EPB41L2: variants seen among roughly 807,000 people sequenced by gnomAD.
EPB41L2 encodes the protein erythrocyte membrane protein band 4.1 like 2.
In EPB41L2, 43 loss-of-function variants were observed where a neutral mutation model predicts 113.0. The observed-to-expected ratio is 0.38, with a 90% confidence interval of 0.30 to 0.49. The LOEUF (loss-of-function observed/expected upper bound fraction) is 0.49. Among genes scored for constraint, EPB41L2 ranks in the 20% least tolerant of loss-of-function variants. The probability of loss-of-function intolerance (pLI) is 0.95; values close to 1 mark genes in which losing one functional copy is unlikely to be tolerated. For missense variants in EPB41L2, 1,147 were observed against 1,223.4 expected, an observed-to-expected ratio of 0.94 and a Z score of 0.93; for synonymous variants, 442 against 436.7, an observed-to-expected ratio of 1.01 and a Z score of -0.15.
intron 18 of EPB41L2, among the ~76,000 whole-genome samples, chr6:130,862,595 C>A (rs1298835903): frequency 6.6e-6 from 1 of 152,166 alleles, no homozygotes; most frequent in Non-Finnish European, 1.5e-5. Flanking sequence ...ATCTCCAGTC[C>A]TATGTCCTAT....
At chr6:130,929,103 C>T (rs1282161201) in intron 3 of EPB41L2, among the ~76,000 whole-genome samples, 2 of 152,196 alleles carry the variant, frequency 1.3e-5, no homozygotes. Context: ...TTCCATCTGC[C>T]TCTCCACCCT....
chr6:130,939,137 C>T (rs9492761), intron 3 of EPB41L2, among the ~76,000 whole-genome samples: 13 of 152,136 alleles, frequency 8.5e-5, no homozygotes, highest in African/African-American at 3.1e-4. Flanking sequence ...CTCATGATAT[C>T]ACCAATGCTT....
intron 3 of EPB41L2, among the ~76,000 whole-genome samples, chr6:130,947,033 C>T (rs1813149232): frequency 6.9e-6 from 1 of 144,020 alleles, no homozygotes; most frequent in Non-Finnish European, 1.5e-5. Flanking sequence ...CCCCCAGCCC[C>T]TTAAATTACT....
chr6:131,012,297 C>A (rs894379251), intron 1 of EPB41L2, among the ~76,000 whole-genome samples: 1 of 150,726 alleles, frequency 6.6e-6, no homozygotes. Context: ...TAGATTTAGC[C>A]TGGGCCCTGT....
rs566937437 is a variant in EPB41L2 at position 130,966,005 on chromosome 6, C to T, written c.-14-9506G>A. ...AATGTCTTGGGCCACACATAAAATA[C>T]ACTAACAATAGCTGATGAGCTTTAA... On this transcript the variant is annotated intron_variant, in intron 1 of 19. Transcript: ENST00000337057. 1.3e-4 allele frequency among the ~76,000 whole-genome samples: 19 copies of T among 151,634 alleles called. No individual in the cohort carries two copies. The South Asian group carries it at 3.5e-3, about 28-fold the overall frequency.
At chr6:130,865,507 T>C in intron 17 of EPB41L2, 29 bp downstream of exon 17, 18 of 1,598,176 alleles carry the variant, frequency 1.1e-5, no homozygotes, top group Non-Finnish European at 1.5e-5. Flanking sequence ...TGTACCATCC[T>C]CTCCATATGA....
intron 1 of EPB41L2, among the ~76,000 whole-genome samples, chr6:131,036,946 G>A (rs1218541208): frequency 6.6e-6 from 1 of 152,140 alleles, no homozygotes; most frequent in Non-Finnish European, 1.5e-5. Flanking sequence ...GGTATGGTTG[G>A]GTAAGTCGCT....
chr6:130,993,716 G>A (rs1178360921), intron 1 of EPB41L2, among the ~76,000 whole-genome samples: 1 of 152,162 alleles, frequency 6.6e-6, no homozygotes, highest in Non-Finnish European at 1.5e-5. Context: ...TTGGAACTGG[G>A]CGTGAGGAGG....
chr6:130,997,424 C>T (rs571306314), intron 1 of EPB41L2, among the ~76,000 whole-genome samples: 1 of 152,136 alleles, frequency 6.6e-6, no homozygotes, highest in Non-Finnish European at 1.5e-5. Context: ...CATCAACCAT[C>T]TGAGGTCACA....
At chr6:130,873,943 T>C (rs6569711) in intron 14 of EPB41L2, among the ~76,000 whole-genome samples, 120,177 of 152,048 alleles carry the variant, frequency 0.79, 48,329 homozygotes, top group East Asian at 1. Context: ...ACCATCTCTA[T>C]GATTACATCG....
At chr6:130,880,645 TG>T (rs892918138) in intron 12 of EPB41L2, 2 of 459,246 alleles carry the variant, frequency 4.4e-6, no homozygotes, top group Non-Finnish European at 7.6e-6. Context: ...TAAGCCTCTT[TG>T]GTCTTTCTTC....
chr6:130,869,567 GAAC>G lies in EPB41L2; in HGVS notation c.2600_2602del (p.Cys867del), dbSNP rs779376005. 8.1e-6 allele frequency: 13 copies of G among 1,613,702 alleles called. No homozygotes were observed. Among genetic ancestry groups the G allele is most frequent in the Middle Eastern group, 1.7e-4 (1 of 6,056 alleles). The stretch of plus-strand genomic sequence containing the variant: ...CCACCTGGGACTCCCATTTACCTCT[GAAC>G]AACAAATAATTTGTGGCAAAACATC... On this transcript the variant is annotated inframe_deletion, in exon 15 of 20. Transcript: ENST00000337057.
chr6:130,917,462 C>T (rs1334997239), intron 4 of EPB41L2, among the ~76,000 whole-genome samples: 1 of 152,088 alleles, frequency 6.6e-6, no homozygotes, highest in African/African-American at 2.4e-5. Context: ...TCCACCATCC[C>T]CCAAGTGATA....
At chr6:131,017,635 T>G (rs1788530106) in intron 1 of EPB41L2, among the ~76,000 whole-genome samples, 2 of 152,212 alleles carry the variant, frequency 1.3e-5, no homozygotes, top group Non-Finnish European at 2.9e-5. Context: ...ATTATCAATG[T>G]GTCAATAAGC....
In EPB41L2 at chr6:130,891,428, T is replaced by TTTATTTAC. The variant is rs67670350; in HGVS notation, c.1488-963_1488-962insGTAAATAA. ...GGTGTCAGCTTTATTTATTTATTTA[T>TTTATTTAC]TTACTTACTTACTTACTTACTTACT... On this transcript the variant is annotated intron_variant, in intron 10 of 19. Transcript: ENST00000337057. Among the ~76,000 whole-genome samples, 307 of 149,464 alleles carry TTTATTTAC rather than the reference T, an allele frequency of 2.1e-3. 1 individual carries two copies. Among genetic ancestry groups the TTTATTTAC allele is most frequent in the African/African-American group, 7.2e-3 (285 of 39,626 alleles).
intron 11 of EPB41L2, among the ~76,000 whole-genome samples, chr6:130,888,884 C>G (rs1314207895): frequency 2.0e-5 from 3 of 152,166 alleles, no homozygotes; most frequent in Non-Finnish European, 4.4e-5. Context: ...GATTTAATAA[C>G]TATATACCAA....
At chr6:131,057,730 T>C (rs974323330) in intron 1 of EPB41L2, among the ~76,000 whole-genome samples, 15 of 152,188 alleles carry the variant, frequency 9.9e-5, no homozygotes, top group African/African-American at 2.9e-4. Flanking sequence ...TTTTAAGTAT[T>C]TGAAAATTCT....
intron 3 of EPB41L2, among the ~76,000 whole-genome samples, chr6:130,941,021 T>C (rs78423448): frequency 6.6e-6 from 1 of 152,314 alleles, no homozygotes; most frequent in Non-Finnish European, 1.5e-5. Context: ...GGAAAAATGA[T>C]ACTTCATACT....
At chr6:130,884,658 G>A (rs1387374494) in intron 12 of EPB41L2, among the ~76,000 whole-genome samples, 1 of 152,168 alleles carries the variant, frequency 6.6e-6, no homozygotes, top group Non-Finnish European at 1.5e-5. Flanking sequence ...ACCTTTTCTT[G>A]AGAATTTCAT....
Sources: allele counts gnomAD v4.1 joint callset (sites outside exome capture counted in the v4.1 genomes callset), GRCh38; gene constraint gnomAD v4.1.1; transcripts MANE v1.5; gene names NCBI Gene and HGNC (gene_info 2026-07-23, HGNC 2026-07-21).